AGBL4: variants seen among roughly 807,000 people sequenced by gnomAD.
AGBL4 encodes AGBL carboxypeptidase 4.
AGBL4 carries 58 observed loss-of-function variants against 66.4 expected under a neutral mutation model. The ratio of observed to expected loss-of-function variants is 0.87; its 90% CI spans 0.71 to 1.09. The LOEUF (loss-of-function observed/expected upper bound fraction) is 1.09, where lower values mean the gene tolerates loss of function less well. AGBL4 is among the 50% of genes least tolerant of loss of function. The pLI is 0.00. For synonymous variants in AGBL4, 234 were observed against 222.9 expected, an observed-to-expected ratio of 1.05 and a Z score of -0.44; for missense variants, 579 against 631.0, an observed-to-expected ratio of 0.92 and a Z score of 0.88.
chr1:48,801,641 A>C lies in AGBL4; in HGVS notation c.634+65550T>G, dbSNP rs193177640. Among the ~76,000 whole-genome samples, 481 of 152,258 alleles carry C rather than the reference A, an allele frequency of 3.2e-3. 2 individuals carry two copies. Among genetic ancestry groups the C allele is most frequent in the African/African-American group, 0.01 (429 of 41,538 alleles). On this transcript the variant is annotated intron_variant, in intron 6 of 13. Coordinates refer to ENST00000371839, the MANE Select transcript of AGBL4 (RefSeq NM_032785.4). ...TGTGTTCTGGATTTTCAGGTTCCCC[A>C]GTGGGGATGTGTGTTTATAGGTAGG...
intron 9 of AGBL4, among the ~76,000 whole-genome samples, chr1:48,593,058 A>T (rs1290665130): frequency 6.6e-6 from 1 of 152,208 alleles, no homozygotes; most frequent in East Asian, 1.9e-4. Context: ...AAGTCAAATG[A>T]TATAAAATAA....
chr1:49,422,566 C>G (rs1175135078), intron 3 of AGBL4, among the ~76,000 whole-genome samples: 1 of 152,112 alleles, frequency 6.6e-6, no homozygotes, highest in Non-Finnish European at 1.5e-5. Context: ...TGCTAACCTC[C>G]TTGTGTCACT....
At chr1:49,049,615 T>A (rs1219581505) in intron 4 of AGBL4, among the ~76,000 whole-genome samples, 1 of 152,040 alleles carries the variant, frequency 6.6e-6, no homozygotes, top group Non-Finnish European at 1.5e-5. Context: ...TATCCCAGAA[T>A]AACATTGGTA....
chr1:48,982,208 C>A (rs1659826821), intron 5 of AGBL4, among the ~76,000 whole-genome samples: 1 of 152,040 alleles, frequency 6.6e-6, no homozygotes, highest in Non-Finnish European at 1.5e-5. Flanking sequence ...AAGGAATTTT[C>A]TTTTTTATTT....
At chr1:49,254,423 A>C (rs181645927) in intron 3 of AGBL4, among the ~76,000 whole-genome samples, 1 of 152,338 alleles carries the variant, frequency 6.6e-6, no homozygotes, top group African/African-American at 2.4e-5. Flanking sequence ...AATTGCAACA[A>C]AAAGAATAAA....
At chr1:49,245,686 G>T in intron 4 of AGBL4, 84 bp downstream of exon 4, 3 of 865,246 alleles carry the variant, frequency 3.5e-6, no homozygotes, top group South Asian at 2.0e-5. Context: ...TTTTTTTTGG[G>T]GGTCCATTAG....
At chr1:48,955,813 C>A (rs954218163) in intron 5 of AGBL4, among the ~76,000 whole-genome samples, 1 of 152,212 alleles carries the variant, frequency 6.6e-6, no homozygotes, top group Non-Finnish European at 1.5e-5. Context: ...AAGTCTGAAT[C>A]TCCACCAGTG....
intron 4 of AGBL4, among the ~76,000 whole-genome samples, chr1:49,181,184 C>T (rs1363629887): frequency 2.7e-5 from 4 of 150,208 alleles, no homozygotes; most frequent in East Asian, 2.0e-4. Flanking sequence ...TGTAAGGCCA[C>T]GATCCACACC....
intron 2 of AGBL4, among the ~76,000 whole-genome samples, chr1:49,781,330 G>C (rs1306858021): frequency 6.6e-6 from 1 of 152,012 alleles, no homozygotes; most frequent in African/African-American, 2.4e-5. Context: ...GGAGCTTGAG[G>C]TTGCAGTAAG....
intron 6 of AGBL4, among the ~76,000 whole-genome samples, chr1:48,744,662 C>T (rs1319102820): frequency 6.6e-6 from 1 of 152,182 alleles, no homozygotes; most frequent in South Asian, 2.1e-4. Flanking sequence ...TTGATTCTCT[C>T]CCATCCATCT....
At chr1:49,937,111 C>T (rs544630946) in intron 1 of AGBL4, among the ~76,000 whole-genome samples, 2 of 152,044 alleles carry the variant, frequency 1.3e-5, no homozygotes, top group South Asian at 4.2e-4. Flanking sequence ...TGTGCAGAGA[C>T]ACACATAGGC....
intron 3 of AGBL4, among the ~76,000 whole-genome samples, chr1:49,596,705 T>C (rs1462286149): frequency 6.6e-6 from 1 of 152,236 alleles, no homozygotes; most frequent in African/African-American, 2.4e-5. Context: ...CAATGTTTGC[T>C]ACACTGTTCA....
At chr1:49,361,681 C>A (rs1014697332) in intron 3 of AGBL4, among the ~76,000 whole-genome samples, 1 of 152,140 alleles carries the variant, frequency 6.6e-6, no homozygotes, top group African/African-American at 2.4e-5. Flanking sequence ...TGTGCTAAAT[C>A]ATTTAAAGTT....
rs571894264 is a variant in AGBL4 at position 49,426,757 on chromosome 1, T to C, written c.283-180893A>G. On this transcript the variant is annotated intron_variant, in intron 3 of 13. Coordinates refer to ENST00000371839, the MANE Select transcript of AGBL4 (RefSeq NM_032785.4). The stretch of plus-strand genomic sequence containing the variant: ...TGAGAGTCAGGAGGATTAAGTAGCC[T>C]GACCAGAGTCTACAGAAAGTATTAT... Among the ~76,000 whole-genome samples, 10 of 152,330 alleles carry C rather than the reference T, an allele frequency of 6.6e-5. No individual in the cohort carries two copies. In the South Asian group the frequency reaches 1.7e-3, roughly 25 times the overall value.
intron 3 of AGBL4, among the ~76,000 whole-genome samples, chr1:49,349,726 A>G (rs1645710356): frequency 6.6e-6 from 1 of 152,186 alleles, no homozygotes. Context: ...AAATTCATAT[A>G]ATAAAGTCCT....
intron 3 of AGBL4, among the ~76,000 whole-genome samples, chr1:49,541,349 G>A (rs896310422): frequency 6.6e-6 from 1 of 152,168 alleles, no homozygotes; most frequent in Non-Finnish European, 1.5e-5. Flanking sequence ...GCGTGGGCAG[G>A]AACTGGAGCT....
intron 4 of AGBL4, among the ~76,000 whole-genome samples, chr1:49,236,031 T>C (rs1282930512): frequency 6.6e-6 from 1 of 151,758 alleles, no homozygotes. Flanking sequence ...TATTTATTTA[T>C]TGATGATTGA....
chr1:48,598,803 G>C (rs922068590), intron 9 of AGBL4, among the ~76,000 whole-genome samples: 6 of 151,910 alleles, frequency 3.9e-5, no homozygotes, highest in Admixed American at 3.3e-4. Context: ...AAACATTTTA[G>C]TTCTTCAATA....
intron 3 of AGBL4, among the ~76,000 whole-genome samples, chr1:49,560,583 G>A (rs537483037): frequency 6.6e-6 from 1 of 152,090 alleles, no homozygotes. Context: ...CTTCCCAAAC[G>A]CAGAGAAAGA....
Sources: gnomAD v4.1 joint callset for allele counts (sites outside exome capture counted in the v4.1 genomes callset) on GRCh38, gnomAD v4.1.1 for gene constraint, MANE v1.5 for transcripts, NCBI Gene and HGNC (gene_info 2026-07-23, HGNC 2026-07-21) for gene names.